Variants in MSRB3 observed in about 807,000 individuals in gnomAD.
The protein encoded by MSRB3 is methionine-R-sulfoxide reductase B3.
Under a neutral mutation model 21.0 loss-of-function variants are expected in MSRB3, and 13 were observed. That is an observed-to-expected ratio of 0.62 (90% CI 0.40 to 0.98). MSRB3 has a LOEUF of 0.98. Among genes scored for constraint, MSRB3 ranks in the 50% least tolerant of loss-of-function variants. MSRB3 has a pLI of 0.00. For synonymous variants in MSRB3, 87 were observed against 88.6 expected (o/e 0.98, Z 0.10); for missense variants, 199 against 230.3 (o/e 0.86, Z 0.88).
At chr12:65,351,120 C>T (rs931370157) in intron 4 of MSRB3, among the ~76,000 whole-genome samples, 2 of 152,110 alleles carry the variant, frequency 1.3e-5, no homozygotes, top group African/African-American at 4.8e-5. Context: ...ATCTCTCAGA[C>T]CACAGTGCGA....
At chr12:65,413,136 A>G (rs749188383) in intron 5 of MSRB3, among the ~76,000 whole-genome samples, 4 of 152,178 alleles carry the variant, frequency 2.6e-5, no homozygotes, top group Non-Finnish European at 5.9e-5. Flanking sequence ...ATTAGTGCTT[A>G]CCCTATGTCA....
chr12:65,419,389 A>C lies in MSRB3; in HGVS notation c.293-34339A>C, dbSNP rs1050467890. The C allele has an allele frequency of 4.0e-6, 3 of 751,418 alleles. No homozygotes were observed. In the African/African-American group the frequency reaches 5.1e-5, roughly 13 times the overall value. 46.5% of individuals were successfully genotyped at this position (751,418 alleles called of 1,614,324 possible). A position where few individuals can be genotyped will look rare whatever the true frequency, so the allele number is the denominator to read the frequency against. Reference sequence around the variant, plus strand: ...CTCTTCATGGTTCTTCTTCATTAAGAGCAGCTCCTCCTTGAGAGTCTCGAT... The same window carrying C: ...CTCTTCATGGTTCTTCTTCATTAAGCGCAGCTCCTCCTTGAGAGTCTCGAT... On this transcript the variant is annotated intron_variant, in intron 5 of 6. Coordinates refer to ENST00000308259, the MANE Select transcript of MSRB3 (RefSeq NM_001031679.3).
intron 5 of MSRB3, among the ~76,000 whole-genome samples, chr12:65,371,407 A>G (rs922847056): frequency 6.6e-6 from 1 of 151,996 alleles, no homozygotes; most frequent in Non-Finnish European, 1.5e-5. Context: ...TTGTGCATCA[A>G]ATACAGAAAG....
At chr12:65,463,058 C>T (rs1883401239) in intron 6 of MSRB3, 97 bp from the exon 7 acceptor site, 4 of 1,418,658 alleles carry the variant, frequency 2.8e-6, no homozygotes, top group Non-Finnish European at 4.0e-6. Context: ...CTTCATTTCT[C>T]TACAGGCTGG....
intron 5 of MSRB3, among the ~76,000 whole-genome samples, chr12:65,437,928 T>G (rs967830604): frequency 2.6e-5 from 4 of 151,850 alleles, no homozygotes; most frequent in African/African-American, 9.7e-5. Context: ...GCCTGTGGTG[T>G]CTGGAATTAC....
rs527957452 is a variant in MSRB3 at position 65,390,535 on chromosome 12, T to C, written c.292+21509T>C. On this transcript the variant is annotated intron_variant, in intron 5 of 6. Transcript: ENST00000308259. ...TTAGGGATTTAAGAGTATGGGGAGA[T>C]GTTTACTCTTGAATATTACTAGTGG... is the stretch of plus-strand genomic sequence containing the variant. Among the ~76,000 whole-genome samples the C allele has an allele frequency of 5.3e-5, 8 of 152,310 alleles. No homozygotes were observed. In the East Asian group the frequency reaches 1.5e-3, roughly 29 times the overall value.
At chr12:65,434,276 T>C (rs1242088181) in intron 5 of MSRB3, among the ~76,000 whole-genome samples, 6 of 151,896 alleles carry the variant, frequency 4.0e-5, no homozygotes, top group Admixed American at 1.3e-4. Context: ...CCTCCTTTGA[T>C]CCTTCTGCCC....
At chr12:65,280,416 C>T (rs1384130841) in intron 1 of MSRB3, among the ~76,000 whole-genome samples, 1 of 152,120 alleles carries the variant, frequency 6.6e-6, no homozygotes, top group Non-Finnish European at 1.5e-5. Context: ...GATTTTATTG[C>T]CAGGAAACAT....
intron 1 of MSRB3, chr12:65,307,007 T>C (rs1422583493): frequency 1.0e-6 from 1 of 985,730 alleles, no homozygotes; most frequent in East Asian, 1.1e-4. Context: ...GGAAGCACAG[T>C]GAGACTGCAG....
chr12:65,404,582 C>T (rs555120264), intron 5 of MSRB3, among the ~76,000 whole-genome samples: 4 of 152,244 alleles, frequency 2.6e-5, no homozygotes, highest in Non-Finnish European at 4.4e-5. Flanking sequence ...ATATCATTTT[C>T]CTTTTCTCTG....
At chr12:65,345,548 C>A (rs941603906) in intron 4 of MSRB3, among the ~76,000 whole-genome samples, 1 of 151,880 alleles carries the variant, frequency 6.6e-6, no homozygotes, top group Admixed American at 6.6e-5. Flanking sequence ...TGATAACACA[C>A]GTAGGAAATG....
intron 2 of MSRB3, chr12:65,309,024 A>G (rs1873825407): frequency 3.8e-6 from 1 of 266,402 alleles, no homozygotes; most frequent in Non-Finnish European, 7.3e-6. Context: ...TTAAAGGATA[A>G]TGAAAATGCT....
intron 1 of MSRB3, among the ~76,000 whole-genome samples, chr12:65,296,425 G>A (rs1228886004): frequency 6.6e-6 from 1 of 152,136 alleles, no homozygotes; most frequent in African/African-American, 2.4e-5. Context: ...TTTCAAAAAC[G>A]TTCTCTCATT....
At chr12:65,408,761 A>G (rs1353764183) in intron 5 of MSRB3, among the ~76,000 whole-genome samples, 3 of 152,068 alleles carry the variant, frequency 2.0e-5, no homozygotes, top group African/African-American at 7.2e-5. Flanking sequence ...TCCCTTCCCC[A>G]ACAGAGAAGG....
intron 5 of MSRB3, among the ~76,000 whole-genome samples, chr12:65,382,605 AT>A (rs1033058164): frequency 7.2e-5 from 11 of 151,834 alleles, no homozygotes; most frequent in Admixed American, 2.0e-4. Flanking sequence ...AATTTATTCA[AT>A]TTTTTTTCAT....
chr12:65,365,189 C>T (rs76033098), intron 4 of MSRB3, among the ~76,000 whole-genome samples: 4,327 of 151,908 alleles, frequency 0.028, 110 homozygotes, highest in African/African-American at 0.059. Flanking sequence ...ATTTATACTA[C>T]ACCTTTTTAA....
chr12:65,350,141 T>G (rs1318042304), intron 4 of MSRB3, among the ~76,000 whole-genome samples: 1 of 151,902 alleles, frequency 6.6e-6, no homozygotes, highest in Non-Finnish European at 1.5e-5. Context: ...TAGCCAGTTT[T>G]CCCAGCACCA....
At chr12:65,393,506 G>A (rs542662930) in intron 5 of MSRB3, among the ~76,000 whole-genome samples, 62 of 152,050 alleles carry the variant, frequency 4.1e-4, no homozygotes, top group Non-Finnish European at 5.9e-4. Context: ...GGTGGTGGGC[G>A]CCTGTAATCC....
At chr12:65,355,700 A>G (rs538707645) in intron 4 of MSRB3, among the ~76,000 whole-genome samples, 2 of 152,028 alleles carry the variant, frequency 1.3e-5, no homozygotes, top group East Asian at 3.9e-4. Context: ...ATAAGCATAA[A>G]TTAACTCCAG....
Sources: allele counts gnomAD v4.1 joint callset (sites outside exome capture counted in the v4.1 genomes callset), GRCh38; gene constraint gnomAD v4.1.1; transcripts MANE v1.5; gene names NCBI Gene and HGNC (gene_info 2026-07-23, HGNC 2026-07-21).